LAMA2: variants seen among roughly 807,000 people sequenced by gnomAD.
The protein encoded by LAMA2 is laminin subunit alpha 2, also known as laminin subunit alpha-2.
In LAMA2, 269 loss-of-function variants were observed where a neutral mutation model predicts 364.8. The observed-to-expected ratio is 0.74, with a 90% CI of 0.67 to 0.82. The LOEUF is 0.82. Among genes scored for constraint, LAMA2 ranks in the 40% least tolerant of loss-of-function variants. LAMA2 has a pLI of 0.00. For synonymous variants in LAMA2, 1,379 were observed against 1,370.6 expected (o/e 1.01, Z -0.14); for missense variants, 3,807 against 3,873.2 (o/e 0.98, Z 0.45).
Position 129,293,229 on chromosome 6 carries a change from A to T in LAMA2, c.2856+1509A>T, listed in dbSNP as rs559534139. Among the ~76,000 whole-genome samples the T allele has an allele frequency of 7.9e-5, 12 of 152,382 alleles. 1 individual carries two copies. In the South Asian group the frequency reaches 2.5e-3, roughly 32 times the overall value. On this transcript the variant is annotated intron_variant, in intron 20 of 64. Transcript: ENST00000421865. Reference sequence around the variant, plus strand: ...TAATTGAACCCTTGCCCTTTTAAAAATAACCATCCGTATGCTTTAAAAAGC... The same window carrying T: ...TAATTGAACCCTTGCCCTTTTAAAATTAACCATCCGTATGCTTTAAAAAGC...
intron 1 of LAMA2, 108 bp downstream of exon 1, chr6:128,883,465 C>T: frequency 1.3e-6 from 2 of 1,523,414 alleles, no homozygotes; most frequent in South Asian, 1.2e-5. Flanking sequence ...CTTGCTTCGC[C>T]TTCAGAGAGT....
intron 20 of LAMA2, among the ~76,000 whole-genome samples, chr6:129,296,875 T>C (rs973861608): frequency 6.6e-6 from 1 of 152,178 alleles, no homozygotes; most frequent in Non-Finnish European, 1.5e-5. Flanking sequence ...TCCATCAGCA[T>C]TTTCTAACGT....
intron 12 of LAMA2, among the ~76,000 whole-genome samples, chr6:129,197,612 C>T (rs557029562): frequency 2.0e-5 from 3 of 152,308 alleles, no homozygotes; most frequent in African/African-American, 7.2e-5. Flanking sequence ...TCATCTTTGG[C>T]ACATATTCTC....
intron 30 of LAMA2, among the ~76,000 whole-genome samples, chr6:129,343,301 G>A (rs991981030): frequency 2.0e-5 from 3 of 152,138 alleles, no homozygotes; most frequent in Non-Finnish European, 2.9e-5. Flanking sequence ...GAGCAATTTG[G>A]ACAATGTGAT....
At chr6:129,345,000 TGCAAGGGGTCAGAAG>T (rs935962905) in intron 30 of LAMA2, among the ~76,000 whole-genome samples, 9 of 152,146 alleles carry the variant, frequency 5.9e-5, no homozygotes, top group African/African-American at 2.2e-4. Flanking sequence ...TGGGGAAGGT[TGCAAGGGGTCAGAAG>T]GCAAGGCAAA....
At chr6:129,208,170 A>G (rs1340320190) in intron 12 of LAMA2, among the ~76,000 whole-genome samples, 1 of 152,182 alleles carries the variant, frequency 6.6e-6, no homozygotes, top group East Asian at 1.9e-4. Flanking sequence ...AGGAAAGGAA[A>G]TTGTGTTAGC....
At chr6:129,418,384 G>A (rs1372165472) in intron 40 of LAMA2, among the ~76,000 whole-genome samples, 2 of 151,724 alleles carry the variant, frequency 1.3e-5, no homozygotes, top group African/African-American at 2.4e-5. Context: ...GCCAAATATA[G>A]GTTGTCCCTC....
rs547865731 is a variant in LAMA2, at chr6:129,176,920, T to C, written c.1307-786T>C. ...GCATTTCTGACACTAATTCTGTCAT[T>C]CTGCTTTTTGCTTTCTCTCCCTAAT... On this transcript the variant is annotated intron_variant, in intron 9 of 64. Transcript: ENST00000421865. Among the ~76,000 whole-genome samples, 5 of 152,138 alleles carry C rather than the reference T, an allele frequency of 3.3e-5. No homozygotes were observed. The South Asian group carries it at 1.0e-3, about 31-fold the overall frequency.
intron 35 of LAMA2, among the ~76,000 whole-genome samples, chr6:129,385,061 GGAGGGGA>G: frequency 1.9e-5 from 1 of 53,378 alleles, no homozygotes; most frequent in African/African-American, 6.7e-5. Flanking sequence ...GGGAAGGAAG[GGAGGGGA>G]GGGAAGGAAG....
chr6:129,510,642 A>T (rs1188973564), intron 62 of LAMA2, among the ~76,000 whole-genome samples: 2 of 152,162 alleles, frequency 1.3e-5, no homozygotes, highest in Non-Finnish European at 2.9e-5. Flanking sequence ...AGTAAAAATG[A>T]TTAAAGACAA....
chr6:129,212,276 A>G (rs1783148806), intron 12 of LAMA2, among the ~76,000 whole-genome samples: 1 of 152,154 alleles, frequency 6.6e-6, no homozygotes, highest in Admixed American at 6.5e-5. Flanking sequence ...GGATATTTAC[A>G]TAGAAACAAA....
intron 1 of LAMA2, among the ~76,000 whole-genome samples, chr6:128,903,394 A>C (rs1777211157): frequency 6.6e-6 from 1 of 152,122 alleles, no homozygotes; most frequent in Non-Finnish European, 1.5e-5. Context: ...GTGTGCTTTC[A>C]ATTCTGTTTT....
chr6:129,122,873 G>A (rs967807306), intron 4 of LAMA2, among the ~76,000 whole-genome samples: 1 of 152,114 alleles, frequency 6.6e-6, no homozygotes, highest in East Asian at 1.9e-4. Flanking sequence ...AGAACAAAAA[G>A]GACGAGGCAA....
intron 12 of LAMA2, among the ~76,000 whole-genome samples, chr6:129,195,960 C>G (rs1370624658): frequency 6.6e-6 from 1 of 152,204 alleles, no homozygotes; most frequent in Non-Finnish European, 1.5e-5. Context: ...AAGCAATTCT[C>G]TTTGCATCTG....
intron 29 of LAMA2, among the ~76,000 whole-genome samples, chr6:129,332,153 A>G (rs1775693855): frequency 6.6e-6 from 1 of 152,166 alleles, no homozygotes; most frequent in Non-Finnish European, 1.5e-5. Flanking sequence ...AGTATTTACT[A>G]TTAAGTTTAT....
At chr6:129,325,419 C>T (rs529916625) in intron 28 of LAMA2, among the ~76,000 whole-genome samples, 5 of 152,038 alleles carry the variant, frequency 3.3e-5, no homozygotes, top group South Asian at 2.1e-4. Context: ...ATCATTCTCA[C>T]AAACTTTTGT....
rs73775406 is a variant in LAMA2, at chr6:129,440,776, C to G, written c.6086-40C>G. On this transcript the variant is annotated intron_variant, in intron 42 of 64. Transcript: ENST00000421865. ...AGCATGGATTAAGCCACTAACTCCACACCCTTTGTTTTGTTTTTCATACCC... is the reference window on the plus strand; with the variant it reads ...AGCATGGATTAAGCCACTAACTCCAGACCCTTTGTTTTGTTTTTCATACCC... 4.9e-3 allele frequency: 7,664 copies of G among 1,579,794 alleles called. 325 individuals are homozygous for G. In the African/African-American group the frequency reaches 0.091, roughly 19 times the overall value.
chr6:128,974,888 G>C (rs1414866893), intron 1 of LAMA2, among the ~76,000 whole-genome samples: 1 of 144,046 alleles, frequency 6.9e-6, no homozygotes, highest in Non-Finnish European at 1.5e-5. Flanking sequence ...GTCTCACTCT[G>C]TTGCCCAGGC....
At chr6:129,124,619 C>G (rs1777004252) in intron 4 of LAMA2, among the ~76,000 whole-genome samples, 1 of 152,168 alleles carries the variant, frequency 6.6e-6, no homozygotes, top group Non-Finnish European at 1.5e-5. Flanking sequence ...CTCATATGTT[C>G]TGTCAGCAGC....
Sources: allele counts gnomAD v4.1 joint callset (sites outside exome capture counted in the v4.1 genomes callset), GRCh38; gene constraint gnomAD v4.1.1; transcripts MANE v1.5; gene names NCBI Gene and HGNC (gene_info 2026-07-23, HGNC 2026-07-21).